WDR91: variants seen among roughly 807,000 people sequenced by gnomAD.
WDR91 encodes the protein WD repeat-containing protein 91.
WDR91 carries 52 observed loss-of-function variants against 88.4 expected under a neutral mutation model. That is an observed-to-expected ratio of 0.59 (90% CI 0.47 to 0.74). The LOEUF is 0.74. WDR91 is among the 30% of genes least tolerant of loss of function. The probability of loss-of-function intolerance (pLI) is 0.00; values close to 1 mark genes in which losing one functional copy is unlikely to be tolerated. For missense variants in WDR91, 824 were observed against 954.5 expected, an observed-to-expected ratio of 0.86 and a Z score of 1.80; for synonymous variants, 362 against 389.5, an observed-to-expected ratio of 0.93 and a Z score of 0.83.
intron 3 of WDR91, among the ~76,000 whole-genome samples, chr7:135,208,225 G>C (rs1034974597): frequency 5.9e-5 from 9 of 152,150 alleles, no homozygotes; most frequent in Non-Finnish European, 5.9e-5. Context: ...TTGTACACTT[G>C]GTAGGCTGTA....
intron 6 of WDR91, chr7:135,198,967 G>A (rs915280367): frequency 6.6e-6 from 1 of 152,116 alleles, no homozygotes; most frequent in African/African-American, 2.4e-5. Context: ...CACAAATTGT[G>A]ATGGCCAAAC....
At chr7:135,188,925 G>C (rs1444234291) in intron 12 of WDR91, among the ~76,000 whole-genome samples, 2 of 152,198 alleles carry the variant, frequency 1.3e-5, no homozygotes, top group Non-Finnish European at 2.9e-5. Flanking sequence ...CCTGGGGACA[G>C]AGCCCAACCT....
At chr7:135,209,024 G>C (rs777827927) in intron 2 of WDR91, 26 bp from the exon 3 acceptor site, 2 of 1,602,028 alleles carry the variant, frequency 1.2e-6, no homozygotes, top group East Asian at 4.5e-5. Context: ...GAGGTAGCAA[G>C]GAGGGAGGAG....
At chr7:135,187,294 G>A (rs763102010) in intron 13 of WDR91, 125 bp from the exon 14 acceptor site, 37 of 950,374 alleles carry the variant, frequency 3.9e-5, no homozygotes, top group Non-Finnish European at 5.7e-5. Context: ...CAGCCACAGT[G>A]CTGACATCCT....
intron 4 of WDR91, among the ~76,000 whole-genome samples, chr7:135,206,799 G>T (rs966414009): frequency 3.3e-5 from 5 of 151,344 alleles, no homozygotes; most frequent in African/African-American, 1.2e-4. Context: ...AGCTATACGT[G>T]GAAAGACAAA....
At chr7:135,192,998 T>A (rs188798033) in intron 11 of WDR91, among the ~76,000 whole-genome samples, 1 of 152,300 alleles carries the variant, frequency 6.6e-6, no homozygotes, top group Non-Finnish European at 1.5e-5. Context: ...TCCTAAATAA[T>A]CAACCACAGG....
At chr7:135,202,579 T>C (rs1173459971) in intron 6 of WDR91, among the ~76,000 whole-genome samples, 1 of 152,234 alleles carries the variant, frequency 6.6e-6, no homozygotes, top group African/African-American at 2.4e-5. Flanking sequence ...AACCTCACCA[T>C]GTGACACACA....
intron 14 of WDR91, 78 bp from the exon 15 acceptor site, chr7:135,186,393 C>A: frequency 6.7e-7 from 1 of 1,481,588 alleles, no homozygotes; most frequent in Non-Finnish European, 9.1e-7. Context: ...AGTGGCCTAC[C>A]TGAGGATGTG....
intron 1 of WDR91, among the ~76,000 whole-genome samples, chr7:135,210,017 C>T (rs778417214): frequency 3.5e-4 from 53 of 152,160 alleles, no homozygotes; most frequent in Non-Finnish European, 7.2e-4. Context: ...GATCTGGCTC[C>T]AGATCTTGGA....
At chr7:135,189,571 T>A (rs1411677156) in intron 11 of WDR91, 119 bp from the exon 12 acceptor site, 3 of 720,542 alleles carry the variant, frequency 4.2e-6, no homozygotes, top group Admixed American at 5.4e-5. Flanking sequence ...CCTTATGTAA[T>A]CTGGAAATGT....
chr7:135,201,613 A>G (rs1317552903), intron 6 of WDR91: 10 of 152,220 alleles, frequency 6.6e-5, no homozygotes, highest in African/African-American at 2.4e-4. Context: ...TCATTTTTAC[A>G]TATTGCTAAT....
At chr7:135,198,905 C>G (rs1270874258) in intron 6 of WDR91, 1 of 152,220 alleles carries the variant, frequency 6.6e-6, no homozygotes, top group Non-Finnish European at 1.5e-5. Flanking sequence ...AGCTGCCACC[C>G]CCACATCTTT....
At chr7:135,194,875 C>A (rs1831303748) in intron 9 of WDR91, 59 bp downstream of exon 9, 19 of 1,597,628 alleles carry the variant, frequency 1.2e-5, no homozygotes, top group Non-Finnish European at 1.6e-5. Flanking sequence ...CGGTGGAGAA[C>A]CCTGGGGAAT....
chr7:135,206,782 C>T (rs543378395), intron 4 of WDR91, among the ~76,000 whole-genome samples: 36 of 151,178 alleles, frequency 2.4e-4, no homozygotes, highest in Non-Finnish European at 4.4e-5. Flanking sequence ...TATATACACA[C>T]ATATATAGCT....
Position 135,196,452 on chromosome 7 carries a change from CAG to C in WDR91, c.1051-117_1051-116del. 9.5e-7 allele frequency: 1 copy of C among 1,050,328 alleles called. No homozygotes were observed. Among genetic ancestry groups the C allele is most frequent in the Admixed American group, 3.0e-5 (1 of 33,248 alleles). 65.1% of individuals were successfully genotyped at this position (1,050,328 alleles called of 1,614,324 possible). A position where few individuals can be genotyped will look rare whatever the true frequency, so the allele number is the denominator to read the frequency against. On this transcript the variant is annotated intron_variant, in intron 7 of 14. Transcript: ENST00000354475. This position sits in a 1 kb window ranked among gnomAD's most constrained non-coding sequence, Gnocchi z 4.2. ...CATTTTGCGGGGTTCTCGGTAATTA[CAG>C]AGTGGAGAGGAGAGCTCTGACCTGC...
Position 135,186,105 on chromosome 7 carries a change from C to G in WDR91, c.*46G>C, listed in dbSNP as rs199766460. ...TTTCCTGTCCTATATCTCCTCCCCC[C>G]ACCGCAGATAATACTGCTTCCTCGG... On this transcript the variant is annotated 3_prime_UTR_variant, in exon 15 of 15. Coordinates refer to ENST00000354475, the MANE Select transcript of WDR91 (RefSeq NM_014149.4). The G allele has an allele frequency of 3.9e-6, 6 of 1,543,394 alleles. No individual in the cohort carries two copies. The highest frequency in any genetic ancestry group is 2.2e-5 in the Admixed American group (1 of 45,912).
At chr7:135,207,019 G>T (rs768273593) in intron 4 of WDR91, 101 bp downstream of exon 4, 2 of 795,510 alleles carry the variant, frequency 2.5e-6, no homozygotes, top group African/African-American at 1.8e-5. Context: ...TTAGGTAGTG[G>T]CAGTGGAAAC....
chr7:135,206,556 C>T (rs292594), intron 4 of WDR91, among the ~76,000 whole-genome samples: 103,390 of 151,946 alleles, frequency 0.68, 35,885 homozygotes, highest in Admixed American at 0.79. Context: ...AACAATATCA[C>T]CTAAGGAGAT....
intron 5 of WDR91, 101 bp from the exon 6 acceptor site, chr7:135,204,534 C>T: frequency 7.4e-7 from 1 of 1,345,210 alleles, no homozygotes; most frequent in Non-Finnish European, 1.0e-6. Flanking sequence ...AGTGACCAGG[C>T]CTGGGTCAGG....
Sources: allele counts gnomAD v4.1 joint callset (sites outside exome capture counted in the v4.1 genomes callset), GRCh38; gene constraint gnomAD v4.1.1; non-coding constraint Gnocchi (gnomAD v3.1); transcripts MANE v1.5; gene names NCBI Gene and HGNC (gene_info 2026-07-23, HGNC 2026-07-21).